The following SPATS2L variants were observed in gnomAD, a reference collection of about 807,000 sequenced individuals.
SPATS2L encodes SPATS2-like protein.
In SPATS2L, 30 loss-of-function variants were observed where a neutral mutation model predicts 59.6. The observed-to-expected ratio is 0.50, with a 90% CI of 0.38 to 0.68. The LOEUF (loss-of-function observed/expected upper bound fraction) is 0.68. Ranked by LOEUF, SPATS2L falls within the 30% of genes least tolerant of loss-of-function variation. SPATS2L has a pLI of 0.00. For synonymous variants in SPATS2L, 252 were observed against 263.5 expected (o/e 0.96, Z 0.42); for missense variants, 615 against 700.0 (o/e 0.88, Z 1.37).
At chr2:200,336,350 T>C (rs1303141341) in intron 2 of SPATS2L, among the ~76,000 whole-genome samples, 2 of 152,216 alleles carry the variant, frequency 1.3e-5, no homozygotes, top group Non-Finnish European at 2.9e-5. Context: ...TGTCATCCTT[T>C]TTCCATGTTT....
intron 2 of SPATS2L, among the ~76,000 whole-genome samples, chr2:200,331,202 A>G (rs2079933169): frequency 6.6e-6 from 1 of 152,258 alleles, no homozygotes; most frequent in South Asian, 2.1e-4. Context: ...CATAAGCCAT[A>G]TAAATCCATT....
At chr2:200,405,232 C>T (rs565575286) in intron 3 of SPATS2L, among the ~76,000 whole-genome samples, 2 of 152,252 alleles carry the variant, frequency 1.3e-5, no homozygotes, top group East Asian at 3.9e-4. Flanking sequence ...ATCAGATCCC[C>T]AGGTGATCAG....
rs369611648 is a variant in SPATS2L at position 200,464,873 on chromosome 2, C to G, written c.848-2417C>G. On this transcript the variant is annotated intron_variant, in intron 9 of 12. Transcript: ENST00000409140. ...TTTTCTCATGCTGCAGATGTTAGTC[C>G]CATCCATATATTGAATTATAATGGC... 1.3e-3 allele frequency among the ~76,000 whole-genome samples: 203 copies of G among 152,250 alleles called. 1 individual carries two copies. Among genetic ancestry groups the G allele is most frequent in the Non-Finnish European group, 2.5e-3 (170 of 68,028 alleles).
At chr2:200,307,035 CCCGGGCCGCCCAG>C (rs1341110583) in intron 1 of SPATS2L, 113 bp downstream of exon 1, 6 of 895,014 alleles carry the variant, frequency 6.7e-6, no homozygotes, top group Non-Finnish European at 6.7e-6. Flanking sequence ...CATTCCGCAG[CCCGGGCCGCCCAG>C]CCTCCGCCGC....
chr2:200,414,047 A>C (rs1045547103), intron 4 of SPATS2L, among the ~76,000 whole-genome samples: 4 of 152,182 alleles, frequency 2.6e-5, no homozygotes, highest in African/African-American at 9.7e-5. Flanking sequence ...CTGCATGGAA[A>C]AAAAGCTTTA....
intron 10 of SPATS2L, among the ~76,000 whole-genome samples, chr2:200,467,826 C>G (rs2086705787): frequency 6.6e-6 from 1 of 152,174 alleles, no homozygotes; most frequent in Non-Finnish European, 1.5e-5. Context: ...GTGGAGATTT[C>G]TTTCCTGTAT....
chr2:200,438,018 A>T (rs1305479817), intron 6 of SPATS2L, among the ~76,000 whole-genome samples: 2 of 152,208 alleles, frequency 1.3e-5, no homozygotes, highest in African/African-American at 4.8e-5. Flanking sequence ...CCTTGGGAAG[A>T]TTGCAGCCTC....
At chr2:200,417,161 T>G (rs1356008270) in intron 5 of SPATS2L, among the ~76,000 whole-genome samples, 5 of 152,174 alleles carry the variant, frequency 3.3e-5, no homozygotes, top group Admixed American at 6.5e-5. Context: ...GCCTTGTGTT[T>G]CGGATTTCCC....
intron 5 of SPATS2L, among the ~76,000 whole-genome samples, chr2:200,418,067 A>G (rs2083139659): frequency 6.6e-6 from 1 of 152,216 alleles, no homozygotes; most frequent in Admixed American, 6.5e-5. Context: ...GAGATATAGT[A>G]AAACTCCGCA....
chr2:200,416,925 C>T (rs1308260111), intron 5 of SPATS2L, among the ~76,000 whole-genome samples: 1 of 152,128 alleles, frequency 6.6e-6, no homozygotes, highest in Non-Finnish European at 1.5e-5. Context: ...TGCCTTAGAA[C>T]CATAGTAAGT....
chr2:200,408,278 G>C (rs1285652871), intron 3 of SPATS2L, among the ~76,000 whole-genome samples: 1 of 152,180 alleles, frequency 6.6e-6, no homozygotes, highest in Non-Finnish European at 1.5e-5. Context: ...GAGACATTTA[G>C]AAAGCAAGTT....
In SPATS2L at chr2:200,306,765, G is replaced by A. The variant is rs1373682292; in HGVS notation, c.-230G>A. The A allele has an allele frequency of 1.0e-6, 1 of 982,532 alleles. No individual in the cohort carries two copies. Among genetic ancestry groups the A allele is most frequent in the Non-Finnish European group, 1.2e-6 (1 of 828,632 alleles). 60.9% of individuals were successfully genotyped at this position (982,532 alleles called of 1,614,324 possible). The stretch of plus-strand genomic sequence containing the variant: ...CCTCCGCTGCAAGCGCCGGCAGCGC[G>A]GGGCGAGCTCCGGACGGCGCGCGGC... On this transcript the variant is annotated 5_prime_UTR_variant, in exon 1 of 13. Transcript: ENST00000409140.
intron 2 of SPATS2L, among the ~76,000 whole-genome samples, chr2:200,387,879 C>T (rs1045445337): frequency 2.0e-5 from 3 of 152,108 alleles, no homozygotes; most frequent in Admixed American, 1.3e-4. Flanking sequence ...CTATTAAAGT[C>T]TTAAGATCTG....
At chr2:200,394,766 CT>C (rs1374239458) in intron 3 of SPATS2L, among the ~76,000 whole-genome samples, 1 of 152,140 alleles carries the variant, frequency 6.6e-6, no homozygotes, top group African/African-American at 2.4e-5. Flanking sequence ...TAAATTGCTT[CT>C]AAAAACAGAA....
intron 2 of SPATS2L, among the ~76,000 whole-genome samples, chr2:200,369,909 G>A (rs902051611): frequency 6.6e-6 from 1 of 152,164 alleles, no homozygotes; most frequent in Non-Finnish European, 1.5e-5. Context: ...GAAAAACAAA[G>A]TACTATTGCT....
chr2:200,418,414 C>T (rs1265688956), intron 5 of SPATS2L, among the ~76,000 whole-genome samples: 1 of 151,936 alleles, frequency 6.6e-6, no homozygotes, highest in Non-Finnish European at 1.5e-5. Flanking sequence ...ATCTACAAAA[C>T]ATTTTAAAAA....
At chr2:200,344,007 T>C (rs1042876277) in intron 2 of SPATS2L, among the ~76,000 whole-genome samples, 1 of 151,968 alleles carries the variant, frequency 6.6e-6, no homozygotes, top group African/African-American at 2.4e-5. Flanking sequence ...TATACTGCTT[T>C]CATAATAAGC....
chr2:200,370,379 G>C (rs1009313576), intron 2 of SPATS2L, among the ~76,000 whole-genome samples: 3 of 152,070 alleles, frequency 2.0e-5, no homozygotes, highest in Admixed American at 2.0e-4. Context: ...ACAATATCTC[G>C]GGGTTTCATT....
chr2:200,369,900 A>T (rs1052091279), intron 2 of SPATS2L, among the ~76,000 whole-genome samples: 1 of 152,226 alleles, frequency 6.6e-6, no homozygotes, highest in Non-Finnish European at 1.5e-5. Flanking sequence ...CTGATGAGAG[A>T]AAAACAAAGT....
Sources: gnomAD v4.1 joint callset for allele counts (sites outside exome capture counted in the v4.1 genomes callset) on GRCh38, gnomAD v4.1.1 for gene constraint, MANE v1.5 for transcripts, NCBI Gene and HGNC (gene_info 2026-07-23, HGNC 2026-07-21) for gene names.